The following RAB9B variants were observed in gnomAD, a reference collection of about 807,000 sequenced individuals.
RAB9B encodes the protein RAB9B, member RAS oncogene family.
A neutral mutation model predicts 8.9 loss-of-function variants in RAB9B; 1 was observed. That is an observed-to-expected ratio of 0.11 (90% confidence interval 0.04 to 0.53). The LOEUF (loss-of-function observed/expected upper bound fraction) is 0.53. Ranked by LOEUF, RAB9B falls within the 20% of genes least tolerant of loss-of-function variation. The probability of loss-of-function intolerance (pLI) is 0.93; values close to 1 mark genes in which losing one functional copy is unlikely to be tolerated. For synonymous variants in RAB9B, 63 were observed against 57.0 expected, an observed-to-expected ratio of 1.10 and a Z score of -0.47; for missense variants, 82 against 152.9, an observed-to-expected ratio of 0.54 and a Z score of 2.45.
At chrX:103,780,714 G>A in the RAB9B span, 1 of 112,264 alleles carries the variant, frequency 8.9e-6, no homozygotes, top group African/African-American at 3.3e-5. Flanking sequence ...CAAGATTATA[G>A]GCAGGGCATT....
At chrX:103,801,890 G>A in the RAB9B span, among the ~76,000 whole-genome samples, 1 of 110,995 alleles carries the variant, frequency 9.0e-6, no homozygotes, top group Non-Finnish European at 1.9e-5. Flanking sequence ...TGGGAGAGGG[G>A]CATGTCAAGG....
At chrX:103,798,159 A>G in the RAB9B span, among the ~76,000 whole-genome samples, 4 of 112,344 alleles carry the variant, frequency 3.6e-5, no homozygotes, top group Non-Finnish European at 7.5e-5. Context: ...GTACTGAAAT[A>G]TATATTAAAC....
the RAB9B span, among the ~76,000 whole-genome samples, chrX:103,814,650 G>C: frequency 6.3e-5 from 7 of 111,233 alleles, no homozygotes; most frequent in South Asian, 2.7e-3. Flanking sequence ...AATCCAGGAG[G>C]TGTTTTTTTG....
chrX:103,807,808 C>T, the RAB9B span, among the ~76,000 whole-genome samples: 1 of 111,778 alleles, frequency 8.9e-6, no homozygotes, highest in Non-Finnish European at 1.9e-5. Flanking sequence ...ACTCATGGCC[C>T]TGGGGTGACC....
chrX:103,786,100 TC>T, the RAB9B span: 1 of 1,072,627 alleles, frequency 9.3e-7, no homozygotes, highest in Non-Finnish European at 1.2e-6. Context: ...ACTAAGCCTC[TC>T]CTGTTCCTAG....
At chrX:103,778,429 T>C in the RAB9B span, among the ~76,000 whole-genome samples, 1 of 111,984 alleles carries the variant, frequency 8.9e-6, no homozygotes, top group Non-Finnish European at 1.9e-5. Context: ...TTGGAGGAAC[T>C]CAATTCCTGC....
At chrX:103,785,787 A>G in the RAB9B span, 16 of 1,163,563 alleles carry the variant, frequency 1.4e-5, no homozygotes, top group Admixed American at 1.3e-4. Context: ...CTGCCCTCCC[A>G]CACAGACCCA....
intron 1 of RAB9B, among the ~76,000 whole-genome samples, chrX:103,829,004 C>T (rs1273641852): frequency 8.9e-6 from 1 of 111,798 alleles, no homozygotes; most frequent in Non-Finnish European, 1.9e-5. Context: ...ACCTGCCCTA[C>T]TTAACAGGAT....
chrX:103,776,674 C>T, the RAB9B span: 6 of 289,649 alleles, frequency 2.1e-5, no homozygotes, highest in African/African-American at 1.4e-4. Flanking sequence ...AAAGGAAAAA[C>T]AAAGAAAATG....
rs2074671672 is a variant in RAB9B at position 103,823,566 on chromosome X, TTCTG to T, written c.*1609_*1612del. 9.0e-6 allele frequency: 1 copy of T among 111,679 alleles called. No individual in the cohort carries two copies. Among genetic ancestry groups the T allele is most frequent in the South Asian group, 3.8e-4 (1 of 2,633 alleles). The allele number at this position is 111,679 out of a possible 1,213,427, so 9.2% of individuals were successfully genotyped here. On this transcript the variant is annotated 3_prime_UTR_variant, in exon 3 of 3. Coordinates refer to ENST00000243298, the MANE Select transcript of RAB9B (RefSeq NM_016370.4). ...GGCCTAGGTCTCTTTTTGGGGTAAT[TTCTG>T]TCTGTCACTATTTTTATCATAGATG...
chrX:103,807,140 T>C, the RAB9B span, among the ~76,000 whole-genome samples: 6 of 112,056 alleles, frequency 5.4e-5, no homozygotes, highest in Non-Finnish European at 9.4e-5. Flanking sequence ...AACGAGATAT[T>C]TTAAGAGAGA....
chrX:103,792,732 C>G, the RAB9B span: 1 of 112,551 alleles, frequency 8.9e-6, no homozygotes, highest in African/African-American at 3.2e-5. Flanking sequence ...ATTCTCATAA[C>G]ATTTCTCTGA....
the RAB9B span, among the ~76,000 whole-genome samples, chrX:103,797,474 G>A: frequency 1.8e-5 from 2 of 111,881 alleles, no homozygotes; most frequent in African/African-American, 6.5e-5. Context: ...CAAAGCTAGG[G>A]TTATACTTTT....
At chrX:103,782,390 G>A in the RAB9B span, among the ~76,000 whole-genome samples, 1 of 111,892 alleles carries the variant, frequency 8.9e-6, no homozygotes, top group African/African-American at 3.3e-5. Flanking sequence ...CAAGTTCTAA[G>A]AAAATAGAGG....
At chrX:103,790,759 T>C in the RAB9B span, 7 of 503,644 alleles carry the variant, frequency 1.4e-5, no homozygotes, top group Admixed American at 2.7e-5. Context: ...TTAAGGTCTC[T>C]CTTTGGACTC....
the RAB9B span, chrX:103,779,756 G>A: frequency 8.9e-6 from 1 of 111,952 alleles, no homozygotes; most frequent in Non-Finnish European, 1.9e-5. Context: ...TGGGAGGTGG[G>A]TGGGAGGGGA....
chrX:103,822,205 A>G (rs1325907146), downstream of RAB9B: 2 of 112,119 alleles, frequency 1.8e-5, no homozygotes, highest in East Asian at 5.5e-4. Context: ...GTACCACATG[A>G]AACATGATCC....
the RAB9B span, among the ~76,000 whole-genome samples, chrX:103,806,365 T>G: frequency 8.9e-6 from 1 of 111,867 alleles, no homozygotes. Flanking sequence ...CTATTGGTTA[T>G]TTAGGTGGGT....
At chrX:103,780,439 CTG>C in the RAB9B span, among the ~76,000 whole-genome samples, 49 of 102,355 alleles carry the variant, frequency 4.8e-4, no homozygotes, top group East Asian at 2.0e-3. Context: ...CTGTCTCTCT[CTG>C]TGTGTGTGTG....
Sources: allele counts gnomAD v4.1 joint callset (sites outside exome capture counted in the v4.1 genomes callset), GRCh38; gene constraint gnomAD v4.1.1; transcripts MANE v1.5; gene names NCBI Gene and HGNC (gene_info 2026-07-23, HGNC 2026-07-21).